Variants in SIPA1L1 observed in about 807,000 individuals in gnomAD.
SIPA1L1 encodes the protein signal induced proliferation associated 1 like 1, also known as signal-induced proliferation-associated 1-like protein 1.
SIPA1L1 carries 26 observed loss-of-function variants against 162.7 expected under a neutral mutation model. The observed-to-expected ratio is 0.16, with a 90% CI of 0.12 to 0.22. The LOEUF (loss-of-function observed/expected upper bound fraction) is 0.22, where lower values mean the gene tolerates loss of function less well. Ranked by LOEUF, SIPA1L1 falls within the 10% of genes least tolerant of loss-of-function variation. The pLI is 1.00. For synonymous variants in SIPA1L1, 829 were observed against 837.4 expected, an observed-to-expected ratio of 0.99 and a Z score of 0.17; for missense variants, 1,874 against 2,241.0, an observed-to-expected ratio of 0.84 and a Z score of 3.31.
intron 4 of SIPA1L1, among the ~76,000 whole-genome samples, chr14:71,534,296 A>C (rs1264823763): frequency 6.6e-6 from 1 of 152,192 alleles, no homozygotes; most frequent in Admixed American, 6.6e-5. Context: ...GCCAATATGT[A>C]AATGGAGGGG....
chr14:71,404,506 C>T (rs745775595), intron 2 of SIPA1L1, among the ~76,000 whole-genome samples: 9 of 152,092 alleles, frequency 5.9e-5, no homozygotes, highest in Admixed American at 1.3e-4. Flanking sequence ...ATTGCACCAC[C>T]GCACTGCACT....
At chr14:71,607,863 T>C (rs1264990772) in intron 5 of SIPA1L1, among the ~76,000 whole-genome samples, 1 of 152,228 alleles carries the variant, frequency 6.6e-6, no homozygotes, top group East Asian at 1.9e-4. Flanking sequence ...AGTGAGTTTC[T>C]GTGCTCTTTG....
intron 5 of SIPA1L1, among the ~76,000 whole-genome samples, chr14:71,608,681 G>C (rs1257238806): frequency 6.6e-6 from 1 of 152,114 alleles, no homozygotes; most frequent in African/African-American, 2.4e-5. Flanking sequence ...CAGATCACGA[G>C]GTCAGGGGTT....
chr14:71,597,770 G>A lies in SIPA1L1; in HGVS notation c.1498+8400G>A, dbSNP rs187518382. On this transcript the variant is annotated intron_variant, in intron 5 of 23. Coordinates refer to ENST00000381232, the MANE Select transcript of SIPA1L1 (RefSeq NM_001386936.1). ...TTGCCTACCTGACAGGCTCCTGCCTGTCCTCCAGGGTTATGCAACCCTCTG... is the reference window on the plus strand; with the variant it reads ...TTGCCTACCTGACAGGCTCCTGCCTATCCTCCAGGGTTATGCAACCCTCTG... Among the ~76,000 whole-genome samples, 59 of 152,248 alleles carry A rather than the reference G, an allele frequency of 3.9e-4. No homozygotes were observed. In the East Asian group the frequency reaches 5.0e-3, roughly 13 times the overall value.
At chr14:71,443,105 A>G (rs2045045630) in intron 2 of SIPA1L1, among the ~76,000 whole-genome samples, 1 of 152,220 alleles carries the variant, frequency 6.6e-6, no homozygotes, top group South Asian at 2.1e-4. Context: ...TTACAGTATT[A>G]GTTAGGGAGG....
intron 5 of SIPA1L1, among the ~76,000 whole-genome samples, chr14:71,597,941 G>T (rs1352886457): frequency 6.6e-6 from 1 of 152,222 alleles, no homozygotes; most frequent in African/African-American, 2.4e-5. Context: ...AGAATAGAAG[G>T]TCAGGTTTTA....
At chr14:71,384,375 G>A (rs1282652502) in intron 2 of SIPA1L1, among the ~76,000 whole-genome samples, 2 of 152,210 alleles carry the variant, frequency 1.3e-5, no homozygotes, top group African/African-American at 2.4e-5. Flanking sequence ...TTGGGGCTTG[G>A]CCTTGAAGGC....
chr14:71,423,888 GT>G (rs1376092183), intron 2 of SIPA1L1, among the ~76,000 whole-genome samples: 1 of 152,076 alleles, frequency 6.6e-6, no homozygotes, highest in African/African-American at 2.4e-5. Flanking sequence ...TCTGTATGTT[GT>G]TTTGGGTAAT....
chr14:71,574,750 C>A (rs1302186573), intron 4 of SIPA1L1: 2 of 151,594 alleles, frequency 1.3e-5, no homozygotes, highest in African/African-American at 2.4e-5. Flanking sequence ...TATCTTTGAA[C>A]ACTTTATTGG....
intron 3 of SIPA1L1, among the ~76,000 whole-genome samples, chr14:71,518,408 A>G (rs532004592): frequency 1.3e-5 from 2 of 152,224 alleles, no homozygotes. Context: ...CACATTTGCA[A>G]GTACCATTAT....
At chr14:71,608,222 G>C (rs1024888625) in intron 5 of SIPA1L1, among the ~76,000 whole-genome samples, 3 of 152,172 alleles carry the variant, frequency 2.0e-5, no homozygotes, top group African/African-American at 7.2e-5. Context: ...TCAACAAAGA[G>C]GTAGATTTTG....
At chr14:71,349,151 C>T (rs2140551962) in intron 2 of SIPA1L1, among the ~76,000 whole-genome samples, 1 of 152,286 alleles carries the variant, frequency 6.6e-6, no homozygotes, top group Non-Finnish European at 1.5e-5. Flanking sequence ...ACTTTCTATG[C>T]TTACATTTGA....
At chr14:71,522,623 C>T (rs1463243933) in intron 3 of SIPA1L1, among the ~76,000 whole-genome samples, 2 of 151,938 alleles carry the variant, frequency 1.3e-5, no homozygotes, top group Admixed American at 1.3e-4. Flanking sequence ...ATTTGGAATG[C>T]TCAAGTGGCA....
chr14:71,433,216 C>A (rs2141000688), intron 2 of SIPA1L1, among the ~76,000 whole-genome samples: 1 of 152,254 alleles, frequency 6.6e-6, no homozygotes, highest in Middle Eastern at 3.4e-3. Context: ...TTCTTTTTAC[C>A]CGTTCAGGGA....
At chr14:71,610,485 G>A (rs2038081007) in intron 5 of SIPA1L1, among the ~76,000 whole-genome samples, 2 of 151,992 alleles carry the variant, frequency 1.3e-5, no homozygotes, top group Admixed American at 1.3e-4. Context: ...TTATATTTTT[G>A]AACATTTATT....
chr14:71,597,419 T>C (rs1455053429), intron 5 of SIPA1L1, among the ~76,000 whole-genome samples: 1 of 152,176 alleles, frequency 6.6e-6, no homozygotes, highest in Admixed American at 6.5e-5. Context: ...ACTTTTCTTA[T>C]TTTTCTTGTT....
Position 71,685,484 on chromosome 14 carries a change from C to G in SIPA1L1, c.3227C>G (p.Pro1076Arg). Reference protein sequence around the residue: ...NKWQRNASKGPHSPQVPSQVQ... With the variant: ...NKWQRNASKGRHSPQVPSQVQ... Reference sequence around the variant, plus strand: ...TGGCAGAGGAACGCCAGCAAGGGGCCTCATTCACCTCAAGTCCCGTCCCAG... The same window carrying G: ...TGGCAGAGGAACGCCAGCAAGGGGCGTCATTCACCTCAAGTCCCGTCCCAG... The change falls in exon 13 of 24, where the codon CCT becomes CGT. Residue 1076 changes from proline (P) to arginine (R), a missense_variant. This residue lies in a region of SIPA1L1 where 936 missense variants were observed against 1,051.9 expected (regional missense o/e 0.89). Transcript: ENST00000381232. 1 of 1,614,216 alleles carries G rather than the reference C, an allele frequency of 6.2e-7. No individual in the cohort carries two copies.
intron 13 of SIPA1L1, 43 bp downstream of exon 13, chr14:71,685,674 A>G: frequency 6.2e-7 from 1 of 1,605,758 alleles, no homozygotes; most frequent in East Asian, 2.2e-5. Flanking sequence ...TCTCTGCCCC[A>G]AATGTAAGTA....
At chr14:71,724,885 G>A in intron 19 of SIPA1L1, 50 bp downstream of exon 19, 2 of 1,525,814 alleles carry the variant, frequency 1.3e-6, no homozygotes, top group Non-Finnish European at 1.8e-6. Context: ...AGCCAGACAT[G>A]ATGGGGCTAT....
Sources: gnomAD v4.1 joint callset for allele counts (sites outside exome capture counted in the v4.1 genomes callset) on GRCh38, gnomAD v4.1.1 for gene constraint, gnomAD v4.1.1 regional missense constraint, MANE v1.5 for transcripts, NCBI Gene and HGNC (gene_info 2026-07-23, HGNC 2026-07-21) for gene names.